DMD: variants seen among roughly 807,000 people sequenced by gnomAD.
DMD encodes dystrophin.
Under a neutral mutation model 330.1 loss-of-function variants are expected in DMD, and 63 were observed. That is an observed-to-expected ratio of 0.19 (90% CI 0.16 to 0.24). The LOEUF is 0.24. Ranked by LOEUF, DMD falls within the 10% of genes least tolerant of loss-of-function variation. The pLI is 1.00. For missense variants in DMD, 3,344 were observed against 2,684.1 expected (o/e 1.25, Z -5.43); for synonymous variants, 1,223 against 959.8 (o/e 1.27, Z -5.07).
intron 76 of DMD, among the ~76,000 whole-genome samples, chrX:31,137,316 G>C (rs1172173594): frequency 8.9e-6 from 1 of 112,321 alleles, no homozygotes; most frequent in Non-Finnish European, 1.9e-5. Context: ...ACCACGCCCA[G>C]GCTCATCTCT....
At position 32,454,852 on chromosome X, in the gene DMD, C is replaced by T. The variant is rs1264281976; in HGVS notation, c.3433-20G>A. 4.2e-6 allele frequency: 5 copies of T among 1,199,560 alleles called. No homozygotes were observed. Among genetic ancestry groups the T allele is most frequent in the Admixed American group, 2.2e-5 (1 of 45,333 alleles). On this transcript the variant is annotated intron_variant, in intron 25 of 78. Transcript: ENST00000357033. ...ATAGACCTTCCACAAAACAAACAAA[C>T]AAAACACGATTATTGACAGTGATGA...
At chrX:31,128,307 T>C (rs1056677655) in intron 77 of DMD, among the ~76,000 whole-genome samples, 2 of 111,937 alleles carry the variant, frequency 1.8e-5, no homozygotes, top group Non-Finnish European at 3.8e-5. Context: ...GTACCGTATA[T>C]ACACACTTTT....
chrX:32,039,787 A>G (rs752068763), intron 44 of DMD, among the ~76,000 whole-genome samples: 227 of 111,658 alleles, frequency 2.0e-3, no homozygotes, highest in Non-Finnish European at 3.4e-3. Context: ...TTTGAACAGT[A>G]ACTCTCTATT....
chrX:33,305,997 T>C (rs967396383), intron 1 of DMD, among the ~76,000 whole-genome samples: 2 of 111,966 alleles, frequency 1.8e-5, no homozygotes, highest in African/African-American at 6.5e-5. Flanking sequence ...TTTTGGACTA[T>C]AATACAAACA....
chrX:32,423,529 T>G (rs1334863932), intron 29 of DMD, among the ~76,000 whole-genome samples: 1 of 110,859 alleles, frequency 9.0e-6, no homozygotes, highest in Non-Finnish European at 1.9e-5. Flanking sequence ...TGTCCCTTTG[T>G]GTCTGGACCC....
At chrX:32,801,818 T>C (rs779369966) in intron 7 of DMD, among the ~76,000 whole-genome samples, 2 of 111,506 alleles carry the variant, frequency 1.8e-5, no homozygotes, top group South Asian at 7.6e-4. Flanking sequence ...CAGATGGTTG[T>C]AGATGTGTGG....
intron 44 of DMD, among the ~76,000 whole-genome samples, chrX:32,089,446 AC>A (rs1198402693): frequency 9.1e-6 from 1 of 110,325 alleles, no homozygotes; most frequent in East Asian, 2.8e-4. Context: ...CTTGTGTTCC[AC>A]CCTCCAGTAG....
chrX:31,449,809 T>TAGAC (rs1315301151), intron 59 of DMD, among the ~76,000 whole-genome samples: 2 of 98,301 alleles, frequency 2.0e-5, no homozygotes, highest in African/African-American at 7.2e-5. Context: ...GATAGATAGA[T>TAGAC]AGATAGAAAT....
chrX:31,444,525 G>A lies in DMD; in HGVS notation c.9040C>T (p.Leu3014Phe), dbSNP rs780747093. ...GTGTTCAGGTCTTCCAGAGTGCTGA[G>A]GTTATACGGTGAGAGCTGAATGCCC... is the stretch of plus-strand genomic sequence containing the variant. ...TLGIQLSPYN[L>F]STLEDLNTRW... The change falls in exon 60 of 79, where the codon CTC (leucine) becomes TTC (phenylalanine). Residue 3014 changes from leucine to phenylalanine, a missense_variant. Coordinates refer to ENST00000357033, the MANE Select transcript of DMD (RefSeq NM_004006.3). The A allele has an allele frequency of 1.1e-5, 13 of 1,211,843 alleles. No individual in the cohort carries two copies. Among genetic ancestry groups the A allele is most frequent in the Middle Eastern group, 4.6e-4 (2 of 4,354 alleles).
intron 1 of DMD, among the ~76,000 whole-genome samples, chrX:33,124,027 C>T (rs1164946536): frequency 4.6e-5 from 5 of 108,044 alleles, no homozygotes; most frequent in African/African-American, 1.4e-4. Flanking sequence ...ATTAGCTGGG[C>T]GTAGTGGCGA....
chrX:33,165,435 T>A (rs1435028812), intron 1 of DMD, among the ~76,000 whole-genome samples: 1 of 111,624 alleles, frequency 9.0e-6, no homozygotes, highest in Non-Finnish European at 1.9e-5. Context: ...TGCCTGAGTA[T>A]CACGCTATCC....
intron 15 of DMD, among the ~76,000 whole-genome samples, chrX:32,569,613 C>T (rs926515649): frequency 1.8e-5 from 2 of 111,494 alleles, no homozygotes; most frequent in African/African-American, 6.5e-5. Flanking sequence ...AAGCATTGAT[C>T]CTGTCTGAAT....
intron 44 of DMD, among the ~76,000 whole-genome samples, chrX:31,982,540 T>G (rs2095482385): frequency 9.0e-6 from 1 of 111,652 alleles, no homozygotes; most frequent in South Asian, 3.7e-4. Context: ...TTGTTTACAT[T>G]TATTCTTTTG....
intron 44 of DMD, among the ~76,000 whole-genome samples, chrX:32,029,147 G>A (rs2095867031): frequency 9.0e-6 from 1 of 111,145 alleles, no homozygotes; most frequent in African/African-American, 3.3e-5. Context: ...TTTTATCCCA[G>A]CTCTGCTGGT....
intron 1 of DMD, among the ~76,000 whole-genome samples, chrX:33,061,913 A>G (rs1010949442): frequency 2.7e-5 from 3 of 111,081 alleles, no homozygotes; most frequent in African/African-American, 9.8e-5. Flanking sequence ...TTTCCCTGAC[A>G]TTTTAAATAT....
intron 1 of DMD, among the ~76,000 whole-genome samples, chrX:33,175,302 A>G (rs750410503): frequency 8.9e-6 from 1 of 112,541 alleles, no homozygotes; most frequent in Admixed American, 9.4e-5. Flanking sequence ...CCCATGTGGG[A>G]TAACTACAAG....
At chrX:33,180,326 A>G (rs1467418949) in intron 1 of DMD, among the ~76,000 whole-genome samples, 1 of 111,729 alleles carries the variant, frequency 9.0e-6, no homozygotes, top group Non-Finnish European at 1.9e-5. Context: ...CAAACAGAAT[A>G]CTTTCTTATA....
chrX:31,926,698 T>A (rs2094783065), intron 47 of DMD, among the ~76,000 whole-genome samples: 1 of 108,678 alleles, frequency 9.2e-6, no homozygotes, highest in Non-Finnish European at 1.9e-5. Context: ...AAAAAAAAAA[T>A]AAAATAAAGG....
At chrX:32,022,955 C>A (rs1381064131) in intron 44 of DMD, among the ~76,000 whole-genome samples, 1 of 109,279 alleles carries the variant, frequency 9.2e-6, no homozygotes, top group Non-Finnish European at 1.9e-5. Context: ...ACCTCAGCCT[C>A]CCGAGTAGCT....
Sources: allele counts gnomAD v4.1 joint callset (sites outside exome capture counted in the v4.1 genomes callset), GRCh38; gene constraint gnomAD v4.1.1; transcripts MANE v1.5; gene names NCBI Gene and HGNC (gene_info 2026-07-23, HGNC 2026-07-21).